MYO16: variants seen among roughly 807,000 people sequenced by gnomAD.
MYO16 encodes the protein unconventional myosin-XVI.
Under a neutral mutation model 205.3 loss-of-function variants are expected in MYO16, and 94 were observed. That is an observed-to-expected ratio of 0.46 (90% CI 0.39 to 0.54). MYO16 has a LOEUF of 0.54. Among genes scored for constraint, MYO16 ranks in the 20% least tolerant of loss-of-function variants. The probability of loss-of-function intolerance (pLI) is 0.00; values close to 1 mark genes in which losing one functional copy is unlikely to be tolerated. For synonymous variants in MYO16, 988 were observed against 954.0 expected, an observed-to-expected ratio of 1.04 and a Z score of -0.66; for missense variants, 2,315 against 2,387.5, an observed-to-expected ratio of 0.97 and a Z score of 0.63.
chr13:109,139,129 A>G (rs1876915613), intron 31 of MYO16, among the ~76,000 whole-genome samples: 1 of 152,002 alleles, frequency 6.6e-6, no homozygotes, highest in Non-Finnish European at 1.5e-5. Flanking sequence ...TAATTTTTGT[A>G]TTTTTGGTGG....
rs148836014 is a variant in MYO16 at position 108,937,125 on chromosome 13, G to A, written c.1926-20563G>A. Among the ~76,000 whole-genome samples the A allele has an allele frequency of 3.5e-3, 538 of 152,252 alleles. 7 individuals carry two copies. Among genetic ancestry groups the A allele is most frequent in the African/African-American group, 0.012 (513 of 41,550 alleles). On this transcript the variant is annotated intron_variant, in intron 16 of 34. Coordinates refer to ENST00000457511, the MANE Select transcript of MYO16 (RefSeq NM_001198950.3). ...AATGAAGCTTAATTGAGCAGGATACGAAATTTTTGGTTGGAATTTCTTTTC... is the reference window on the plus strand; with the variant it reads ...AATGAAGCTTAATTGAGCAGGATACAAAATTTTTGGTTGGAATTTCTTTTC...
intron 32 of MYO16, among the ~76,000 whole-genome samples, chr13:109,157,723 G>A (rs1189097730): frequency 6.6e-6 from 1 of 152,152 alleles, no homozygotes; most frequent in Non-Finnish European, 1.5e-5. Context: ...CCTGTCACAT[G>A]GGTTGGCATT....
chr13:108,688,294 G>A (rs1385704405), intron 2 of MYO16, among the ~76,000 whole-genome samples: 2 of 152,132 alleles, frequency 1.3e-5, no homozygotes, highest in Admixed American at 1.3e-4. Flanking sequence ...GATGCCCTAG[G>A]AGGTCATGAA....
chr13:109,064,602 G>T (rs1369262549), intron 27 of MYO16, among the ~76,000 whole-genome samples: 2 of 152,080 alleles, frequency 1.3e-5, no homozygotes, highest in South Asian at 2.1e-4. Context: ...TCCAATCTTT[G>T]TTGTTATTAT....
At chr13:108,595,367 G>A (rs1878517890), upstream of MYO16, among the ~76,000 whole-genome samples, 1 of 152,058 alleles carries the variant, frequency 6.6e-6, no homozygotes, top group African/African-American at 2.4e-5. Context: ...CACCCCACAT[G>A]GCTGGAAGGG....
intron 2 of MYO16, among the ~76,000 whole-genome samples, chr13:108,705,651 T>C (rs1883481209): frequency 6.6e-6 from 1 of 152,126 alleles, no homozygotes; most frequent in African/African-American, 2.4e-5. Flanking sequence ...GTTTCAAGCA[T>C]ACACTGGAGA....
chr13:108,556,615 A>G, the MYO16 span, among the ~76,000 whole-genome samples: 2 of 152,098 alleles, frequency 1.3e-5, no homozygotes, highest in African/African-American at 4.8e-5. Flanking sequence ...TTCCTTTTCT[A>G]TGAAGAAGTA....
intron 4 of MYO16, 23 bp downstream of exon 4, chr13:108,727,606 C>T (rs1884385048): frequency 6.3e-7 from 1 of 1,590,552 alleles, no homozygotes; most frequent in Non-Finnish European, 8.6e-7. Context: ...ATTCAGTTTA[C>T]CATTTGAAGA....
chr13:108,978,898 T>C (rs1884361169), intron 20 of MYO16, among the ~76,000 whole-genome samples: 1 of 152,004 alleles, frequency 6.6e-6, no homozygotes, highest in Admixed American at 6.6e-5. Context: ...TTTTCTTTCT[T>C]TTTTGACTCA....
chr13:109,199,434 C>G (rs1170095953), intron 34 of MYO16, among the ~76,000 whole-genome samples: 2 of 151,944 alleles, frequency 1.3e-5, no homozygotes, highest in South Asian at 4.2e-4. Flanking sequence ...AGTCATAACA[C>G]TTGCCTTCTG....
At position 108,901,176 on chromosome 13, in the gene MYO16, A is replaced by C. The variant is rs555018715; in HGVS notation, c.1777+3043A>C. ...TCATTAGCAATTTTAATTTCGCCCC[A>C]GTCCTGTGGTCCTGTGATCTCGCCC... On this transcript the variant is annotated intron_variant, in intron 15 of 34. Coordinates refer to ENST00000457511, the MANE Select transcript of MYO16 (RefSeq NM_001198950.3). Among the ~76,000 whole-genome samples, 27 of 152,300 alleles carry C rather than the reference A, an allele frequency of 1.8e-4. 1 individual carries two copies. In the South Asian group the frequency reaches 5.4e-3, roughly 30 times the overall value.
chr13:108,592,154 T>C (rs1594130179), upstream of MYO16, among the ~76,000 whole-genome samples: 1 of 86,828 alleles, frequency 1.2e-5, no homozygotes, highest in Admixed American at 1.4e-4. Context: ...GTGTGTGGAG[T>C]GTGTTTGGGG....
At chr13:109,189,428 T>C (rs1376129110) in intron 34 of MYO16, among the ~76,000 whole-genome samples, 2 of 152,256 alleles carry the variant, frequency 1.3e-5, no homozygotes, top group East Asian at 3.8e-4. Context: ...CTGTTTTCAT[T>C]CTTCTGTTTC....
chr13:108,527,938 C>A, the MYO16 span, among the ~76,000 whole-genome samples: 3 of 152,058 alleles, frequency 2.0e-5, no homozygotes, highest in East Asian at 5.8e-4. Context: ...CAAATGTGCC[C>A]CTTGCTTTAT....
At chr13:108,578,001 G>A in the MYO16 span, among the ~76,000 whole-genome samples, 1 of 152,076 alleles carries the variant, frequency 6.6e-6, no homozygotes, top group African/African-American at 2.4e-5. Context: ...TATATATTGT[G>A]TGCTCCTCTT....
At chr13:108,860,042 GT>G (rs1386401686) in intron 11 of MYO16, among the ~76,000 whole-genome samples, 6 of 151,882 alleles carry the variant, frequency 4.0e-5, no homozygotes, top group Admixed American at 1.3e-4. Flanking sequence ...TTAGGTTTGG[GT>G]TGTAAAGGTT....
intron 27 of MYO16, among the ~76,000 whole-genome samples, chr13:109,057,804 A>G (rs1350038731): frequency 6.6e-6 from 1 of 152,098 alleles, no homozygotes; most frequent in South Asian, 2.1e-4. Flanking sequence ...ATCAACAGGG[A>G]GTAGGGACCG....
chr13:109,138,409 A>T (rs1405787903), intron 31 of MYO16, among the ~76,000 whole-genome samples: 4 of 152,232 alleles, frequency 2.6e-5, no homozygotes, highest in Non-Finnish European at 5.9e-5. Flanking sequence ...CAGTGAAATT[A>T]TATTTATTTA....
At chr13:109,160,979 C>T (rs12866083) in intron 32 of MYO16, among the ~76,000 whole-genome samples, 33,657 of 152,092 alleles carry the variant, frequency 0.22, 3,865 homozygotes, top group African/African-American at 0.29. Context: ...GAGAACCCAA[C>T]CATCCAGAGT....
Sources: allele counts gnomAD v4.1 joint callset (sites outside exome capture counted in the v4.1 genomes callset), GRCh38; gene constraint gnomAD v4.1.1; transcripts MANE v1.5; gene names NCBI Gene and HGNC (gene_info 2026-07-23, HGNC 2026-07-21).